The following BFSP2 variants were observed in gnomAD, a reference collection of about 807,000 sequenced individuals.
The protein encoded by BFSP2 is beaded filament structural protein 2, also known as phakinin.
In BFSP2, 38 loss-of-function variants were observed where a neutral mutation model predicts 44.9. The observed-to-expected ratio is 0.85, with a 90% CI of 0.65 to 1.11. BFSP2 has a LOEUF of 1.11. Ranked by LOEUF, BFSP2 falls within the 50% of genes least tolerant of loss-of-function variation. BFSP2 has a pLI of 0.00. For synonymous variants in BFSP2, 197 were observed against 209.9 expected (o/e 0.94, Z 0.53); for missense variants, 525 against 533.0 (o/e 0.99, Z 0.15).
intron 4 of BFSP2, among the ~76,000 whole-genome samples, chr3:133,460,967 T>C (rs990119771): frequency 6.6e-6 from 1 of 152,200 alleles, no homozygotes; most frequent in Admixed American, 6.5e-5. Context: ...AGACAGCTCA[T>C]CTGGATACAT....
chr3:133,416,224 C>T (rs2073526813), intron 1 of BFSP2, among the ~76,000 whole-genome samples: 2 of 142,822 alleles, frequency 1.4e-5, no homozygotes, highest in African/African-American at 5.3e-5. Context: ...CCGCTCTACT[C>T]ACCCCTCTAC....
intron 4 of BFSP2, among the ~76,000 whole-genome samples, chr3:133,455,979 C>T (rs1035390536): frequency 6.6e-6 from 1 of 152,230 alleles, no homozygotes; most frequent in African/African-American, 2.4e-5. Flanking sequence ...TCCACACTTT[C>T]ATTCCCAGAG....
chr3:133,400,637 TA>T lies in BFSP2; in HGVS notation c.489+66del. On this transcript the variant is annotated intron_variant, in intron 1 of 6. Transcript: ENST00000302334. This position sits in a 1 kb window ranked among gnomAD's most constrained non-coding sequence, Gnocchi z 4.0. ...GGGAGGGGCTGCTGAAGGCAGCGGG[TA>T]GGGTTGTGAGTAGGCTGAGGCCAGA... is the stretch of plus-strand genomic sequence containing the variant. 6.4e-7 allele frequency: 1 copy of T among 1,550,492 alleles called. No homozygotes were observed. Among genetic ancestry groups the T allele is most frequent in the Non-Finnish European group, 8.7e-7 (1 of 1,147,964 alleles).
chr3:133,415,649 A>C (rs1317608387), intron 1 of BFSP2, among the ~76,000 whole-genome samples: 32 of 26,256 alleles, frequency 1.2e-3, no homozygotes, highest in East Asian at 2.2e-3. Context: ...CTTACCCGTC[A>C]TCTCCCCTCT....
intron 1 of BFSP2, among the ~76,000 whole-genome samples, chr3:133,446,975 G>T (rs2073908037): frequency 6.6e-6 from 1 of 151,958 alleles, no homozygotes; most frequent in Admixed American, 6.6e-5. Context: ...GCTAGGCAAA[G>T]CCAGTGAAAC....
intron 4 of BFSP2, among the ~76,000 whole-genome samples, chr3:133,460,738 G>A (rs1035907892): frequency 5.9e-5 from 9 of 152,120 alleles, no homozygotes. Context: ...TATTCCCACG[G>A]GACCATTGTT....
At chr3:133,453,162 C>T (rs1307960664) in intron 4 of BFSP2, among the ~76,000 whole-genome samples, 1 of 152,214 alleles carries the variant, frequency 6.6e-6, no homozygotes, top group Non-Finnish European at 1.5e-5. Context: ...GAGATCTGAA[C>T]TGACAGCCAG....
chr3:133,461,691 G>A lies in BFSP2; in HGVS notation c.892-5137G>A, dbSNP rs191738325. On this transcript the variant is annotated intron_variant, in intron 4 of 6. Coordinates refer to ENST00000302334, the MANE Select transcript of BFSP2 (RefSeq NM_003571.4). ...TTTAGGTGAATTACTTTTAGCAGTG[G>A]TTACTTTAGGTGAGTTAAAGCAATT... 1.6e-3 allele frequency among the ~76,000 whole-genome samples: 239 copies of A among 152,342 alleles called. 4 individuals carry two copies. Among genetic ancestry groups the A allele is most frequent in the Non-Finnish European group, 1.4e-3 (96 of 68,036 alleles).
chr3:133,454,950 C>A (rs1348402102), intron 4 of BFSP2, among the ~76,000 whole-genome samples: 1 of 152,086 alleles, frequency 6.6e-6, no homozygotes, highest in Non-Finnish European at 1.5e-5. Context: ...TTAGCCTAGG[C>A]CTACACAGGG....
intron 1 of BFSP2, among the ~76,000 whole-genome samples, chr3:133,437,453 G>T (rs1273271413): frequency 6.6e-6 from 1 of 152,006 alleles, no homozygotes; most frequent in Admixed American, 6.6e-5. Context: ...AACCCAGGAG[G>T]TGGAGGTTGC....
chr3:133,412,554 G>A (rs1356207750), intron 1 of BFSP2: 2 of 152,314 alleles, frequency 1.3e-5, no homozygotes, highest in Admixed American at 1.3e-4. Flanking sequence ...TCCCAAGGAA[G>A]ATGCCAGAAG....
intron 1 of BFSP2, among the ~76,000 whole-genome samples, chr3:133,438,701 T>C (rs1169722552): frequency 1.3e-5 from 2 of 152,152 alleles, no homozygotes; most frequent in Non-Finnish European, 2.9e-5. Flanking sequence ...ATTTTAAAAT[T>C]AAAATAGAAG....
chr3:133,409,822 A>T (rs769046337), intron 1 of BFSP2: 12 of 152,132 alleles, frequency 7.9e-5, no homozygotes, highest in Non-Finnish European at 1.6e-4. Flanking sequence ...TGGGGACAGA[A>T]CTCCTGTGCT....
chr3:133,421,340 A>G (rs993852201), intron 1 of BFSP2, among the ~76,000 whole-genome samples: 14 of 152,210 alleles, frequency 9.2e-5, no homozygotes, highest in Non-Finnish European at 1.9e-4. Context: ...GGAAACCAAG[A>G]TGTTAGCAGG....
chr3:133,412,127 T>C (rs1173066795), intron 1 of BFSP2, among the ~76,000 whole-genome samples: 1 of 152,200 alleles, frequency 6.6e-6, no homozygotes, highest in Non-Finnish European at 1.5e-5. Flanking sequence ...ATGTCTGGGA[T>C]TTGTTGAAAA....
chr3:133,432,910 G>A (rs1333502925), intron 1 of BFSP2, among the ~76,000 whole-genome samples: 3 of 152,142 alleles, frequency 2.0e-5, no homozygotes, highest in Admixed American at 6.5e-5. Flanking sequence ...TACTGTTTTA[G>A]CCTAGCCCTC....
At chr3:133,429,771 ATAC>A (rs2073690848) in intron 1 of BFSP2, 1 of 149,530 alleles carries the variant, frequency 6.7e-6, no homozygotes, top group Admixed American at 6.7e-5. Context: ...TTTTTTTATT[ATAC>A]TTTAAGTTTT....
intron 1 of BFSP2, among the ~76,000 whole-genome samples, chr3:133,442,955 T>A (rs571283813): frequency 6.6e-6 from 1 of 152,110 alleles, no homozygotes; most frequent in African/African-American, 2.4e-5. Flanking sequence ...CCTCCTGGGT[T>A]CAAGCCATGA....
At chr3:133,471,933 G>A (rs1054685040) in intron 5 of BFSP2, among the ~76,000 whole-genome samples, 1 of 152,134 alleles carries the variant, frequency 6.6e-6, no homozygotes, top group Non-Finnish European at 1.5e-5. Flanking sequence ...CCCCCGGGGA[G>A]TGAAGAAATC....
Sources: allele counts gnomAD v4.1 joint callset (sites outside exome capture counted in the v4.1 genomes callset), GRCh38; gene constraint gnomAD v4.1.1; non-coding constraint Gnocchi (gnomAD v3.1); transcripts MANE v1.5; gene names NCBI Gene and HGNC (gene_info 2026-07-23, HGNC 2026-07-21).